Variants in SLC29A3 observed in about 807,000 individuals in gnomAD.
SLC29A3 encodes the protein solute carrier family 29 member 3.
In SLC29A3, 18 loss-of-function variants were observed where a neutral mutation model predicts 25.4. The observed-to-expected ratio is 0.71, with a 90% CI of 0.49 to 1.05. SLC29A3 has a LOEUF of 1.05. Among genes scored for constraint, SLC29A3 ranks in the 50% least tolerant of loss-of-function variants. The pLI is 0.00. For synonymous variants in SLC29A3, 258 were observed against 267.1 expected (o/e 0.97, Z 0.33); for missense variants, 586 against 609.0 (o/e 0.96, Z 0.40).
chr10:71,370,256 G>C (rs1256969109), intron 3 of SLC29A3, among the ~76,000 whole-genome samples: 1 of 152,232 alleles, frequency 6.6e-6, no homozygotes, highest in Non-Finnish European at 1.5e-5. Context: ...CCGTGGGTGG[G>C]TCCACCTTCG....
At chr10:71,325,727 C>A (rs1054103853) in intron 2 of SLC29A3, among the ~76,000 whole-genome samples, 1 of 152,064 alleles carries the variant, frequency 6.6e-6, no homozygotes, top group Non-Finnish European at 1.5e-5. Flanking sequence ...TGTCCTTGGA[C>A]CAGCAGCCTC....
At chr10:71,325,135 C>T (rs1845937132) in intron 2 of SLC29A3, among the ~76,000 whole-genome samples, 1 of 152,210 alleles carries the variant, frequency 6.6e-6, no homozygotes, top group South Asian at 2.1e-4. Flanking sequence ...GCCGCACCTT[C>T]CAGTGGCCCA....
At chr10:71,330,998 C>A (rs1464540783) in intron 2 of SLC29A3, among the ~76,000 whole-genome samples, 1 of 152,122 alleles carries the variant, frequency 6.6e-6, no homozygotes, top group African/African-American at 2.4e-5. Flanking sequence ...TGGGCCCTGT[C>A]AACCCAGGTA....
chr10:71,326,391 G>C (rs1424552017), intron 2 of SLC29A3, among the ~76,000 whole-genome samples: 1 of 152,188 alleles, frequency 6.6e-6, no homozygotes, highest in Non-Finnish European at 1.5e-5. Context: ...TGAGGGATGG[G>C]CCCATACTTC....
intron 2 of SLC29A3, 71 bp from the exon 3 acceptor site, chr10:71,344,138 C>T (rs1216907371): frequency 6.4e-6 from 8 of 1,240,888 alleles, no homozygotes; most frequent in Non-Finnish European, 7.1e-6. Flanking sequence ...GGGGCCCTGT[C>T]TCTGCTCGCG....
intron 1 of SLC29A3, chr10:71,319,547 G>A (rs1189993666): frequency 2.5e-6 from 1 of 407,988 alleles, no homozygotes; most frequent in Non-Finnish European, 4.3e-6. Context: ...CCTCCTCCCT[G>A]AGACTGGACC....
chr10:71,368,325 T>A (rs1238480587), downstream of SLC29A3, among the ~76,000 whole-genome samples: 1 of 152,234 alleles, frequency 6.6e-6, no homozygotes. Flanking sequence ...ATCTGGCATA[T>A]GATAGATCCT....
chr10:71,334,338 C>T (rs1384949744), intron 2 of SLC29A3, among the ~76,000 whole-genome samples: 1 of 152,260 alleles, frequency 6.6e-6, no homozygotes. Context: ...CCAGTGTTCA[C>T]ACAAAGGAAG....
chr10:71,373,695 T>TG (rs1222593963), intron 3 of SLC29A3, among the ~76,000 whole-genome samples: 4 of 152,208 alleles, frequency 2.6e-5, no homozygotes, highest in Non-Finnish European at 4.4e-5. Context: ...CAAAGGGACA[T>TG]GATAACCAGG....
At chr10:71,340,180 C>A (rs1376207707) in intron 2 of SLC29A3, among the ~76,000 whole-genome samples, 4 of 152,248 alleles carry the variant, frequency 2.6e-5, no homozygotes, top group Non-Finnish European at 4.4e-5. Context: ...CTTTGCCCTG[C>A]ATCCACCTGC....
intron 2 of SLC29A3, among the ~76,000 whole-genome samples, chr10:71,337,346 G>GCTGAT (rs1254182137): frequency 6.6e-6 from 1 of 152,214 alleles, no homozygotes; most frequent in Non-Finnish European, 1.5e-5. Flanking sequence ...CCAGGGCAAG[G>GCTGAT]GCACCTCCCC....
chr10:71,340,310 C>T (rs1181460983), intron 2 of SLC29A3, among the ~76,000 whole-genome samples: 1 of 152,236 alleles, frequency 6.6e-6, no homozygotes, highest in African/African-American at 2.4e-5. Flanking sequence ...GCTGCTGTGG[C>T]ATAATTCTGA....
rs112505920 is a variant in SLC29A3 at position 71,349,498 on chromosome 10, C to T, written c.384-2064C>T. Among the ~76,000 whole-genome samples the T allele has an allele frequency of 7.3e-3, 1,028 of 141,280 alleles. 17 individuals carry two copies. The highest frequency in any genetic ancestry group is 0.025 in the African/African-American group (990 of 39,472). The allele number at this position is 141,280 out of a possible 152,430, so 92.7% of individuals were successfully genotyped here. A position where few individuals can be genotyped will look rare whatever the true frequency, so the allele number is the denominator to read the frequency against. ...GTGGGTCACATGCTAATTCCTAACTCAACCCCAGGGTCTAGGAGCAGGCAA... is the reference window on the plus strand; with the variant it reads ...GTGGGTCACATGCTAATTCCTAACTTAACCCCAGGGTCTAGGAGCAGGCAA... On this transcript the variant is annotated intron_variant, in intron 3 of 5. Transcript: ENST00000373189.
At position 71,344,280 on chromosome 10, in the gene SLC29A3, G is replaced by A; in HGVS notation, c.372G>A (p.Leu124=). ...PSMLCLVANF[L]LVNRVAVHIR... ...TGCTGTGCCTGGTGGCCAACTTCCTGCTTGTCAACAGGTAGGCGACTCTCT... is the reference window on the plus strand; with the variant it reads ...TGCTGTGCCTGGTGGCCAACTTCCTACTTGTCAACAGGTAGGCGACTCTCT... Residue 124 remains leucine, a synonymous_variant, in exon 3 of 6, where the codon CTG becomes CTA. Coordinates refer to ENST00000373189, the MANE Select transcript of SLC29A3 (RefSeq NM_018344.6). The A allele has an allele frequency of 6.2e-7, 1 of 1,613,852 alleles. No homozygotes were observed. The highest frequency in any genetic ancestry group is 8.5e-7 in the Non-Finnish European group (1 of 1,179,828).
chr10:71,329,327 G>A (rs1475489897), intron 2 of SLC29A3, among the ~76,000 whole-genome samples: 2 of 152,002 alleles, frequency 1.3e-5, no homozygotes, highest in Admixed American at 1.3e-4. Flanking sequence ...CCCCACCTGC[G>A]TGTGCCTGTA....
intron 3 of SLC29A3, among the ~76,000 whole-genome samples, chr10:71,370,775 T>A (rs957333755): frequency 3.3e-5 from 5 of 152,152 alleles, no homozygotes; most frequent in African/African-American, 1.2e-4. Flanking sequence ...TTTGCAGTTT[T>A]TAATGTAATT....
chr10:71,349,581 T>C (rs59657832), intron 3 of SLC29A3, among the ~76,000 whole-genome samples: 1,613 of 152,030 alleles, frequency 0.011, 30 homozygotes, highest in African/African-American at 0.037. Flanking sequence ...TGGGTGTGGG[T>C]GTGGGCAACC....
At position 71,356,101 on chromosome 10, in the gene SLC29A3, G is replaced by T. The variant is rs776552123; in HGVS notation, c.631G>T (p.Val211Phe). 5.0e-6 allele frequency: 8 copies of T among 1,614,128 alleles called. No homozygotes were observed. Among genetic ancestry groups the T allele is most frequent in the Non-Finnish European group, 6.8e-6 (8 of 1,180,040 alleles). ...LISGGAMGGT[V>F]SAVASLVDLA... ...TGCAGGAGGAGCCATGGGCGGGACG[G>T]TCAGCGCCGTGGCCTCATTGGTGGA... The change falls in exon 5 of 6, where the codon GTC becomes TTC. Residue 211 changes from valine (V) to phenylalanine (F), a missense_variant. Transcript: ENST00000373189.
At chr10:71,324,681 G>A (rs1327458018) in intron 2 of SLC29A3, among the ~76,000 whole-genome samples, 7 of 152,310 alleles carry the variant, frequency 4.6e-5, no homozygotes, top group Admixed American at 4.6e-4. Flanking sequence ...CCACAAGGCT[G>A]GCTAGGGACC....
Sources: gnomAD v4.1 joint callset for allele counts (sites outside exome capture counted in the v4.1 genomes callset) on GRCh38, gnomAD v4.1.1 for gene constraint, MANE v1.5 for transcripts, NCBI Gene and HGNC (gene_info 2026-07-23, HGNC 2026-07-21) for gene names.